CNTLN: variants seen among roughly 807,000 people sequenced by gnomAD.
CNTLN encodes the protein centlein, centrosomal protein.
Under a neutral mutation model 180.0 loss-of-function variants are expected in CNTLN, and 212 were observed. The observed-to-expected ratio is 1.18, with a 90% CI of 1.05 to 1.32. The LOEUF (loss-of-function observed/expected upper bound fraction) is 1.32, where lower values mean the gene tolerates loss of function less well. Among genes scored for constraint, CNTLN ranks in the 40% most tolerant of loss-of-function variants. CNTLN has a pLI of 0.00. For synonymous variants in CNTLN, 722 were observed against 563.1 expected (o/e 1.28, Z -3.99); for missense variants, 2,095 against 1,610.9 (o/e 1.30, Z -5.14).
chr9:17,319,630 T>G (rs1819769995), intron 8 of CNTLN, among the ~76,000 whole-genome samples: 1 of 152,184 alleles, frequency 6.6e-6, no homozygotes, highest in Admixed American at 6.5e-5. Context: ...GTTACTTCTC[T>G]GTCAACTCAG....
intron 1 of CNTLN, among the ~76,000 whole-genome samples, chr9:17,142,256 T>C (rs1321547332): frequency 6.6e-6 from 1 of 151,236 alleles, no homozygotes; most frequent in South Asian, 2.1e-4. Context: ...TATTTTGCAA[T>C]TTTTTTTAGC....
intron 12 of CNTLN, among the ~76,000 whole-genome samples, chr9:17,352,693 C>T (rs1294184993): frequency 6.6e-6 from 1 of 152,056 alleles, no homozygotes; most frequent in African/African-American, 2.4e-5. Flanking sequence ...GCCCATTAAC[C>T]AGTCAGTCTC....
the CNTLN span, among the ~76,000 whole-genome samples, chr9:17,518,954 G>A: frequency 6.6e-6 from 1 of 152,050 alleles, no homozygotes; most frequent in Non-Finnish European, 1.5e-5. Flanking sequence ...TTGAGACAGG[G>A]TCTCTGTCAC....
intron 2 of CNTLN, among the ~76,000 whole-genome samples, chr9:17,220,602 G>A (rs1172800760): frequency 1.3e-5 from 2 of 152,022 alleles, no homozygotes; most frequent in Admixed American, 1.3e-4. Context: ...TGCACTCTCT[G>A]ATAGGACCCA....
chr9:17,294,885 G>T (rs1817736997), intron 6 of CNTLN, among the ~76,000 whole-genome samples: 1 of 86,126 alleles, frequency 1.2e-5, no homozygotes, highest in African/African-American at 4.3e-5. Context: ...GTGGGGGGAG[G>T]GGGGAGTGGG....
intron 13 of CNTLN, among the ~76,000 whole-genome samples, chr9:17,375,021 A>C (rs1260730745): frequency 6.6e-6 from 1 of 152,234 alleles, no homozygotes; most frequent in African/African-American, 2.4e-5. Flanking sequence ...AGCAACCCAA[A>C]TGTTCATCAA....
At chr9:17,281,918 C>A (rs1448969980) in intron 6 of CNTLN, among the ~76,000 whole-genome samples, 1 of 152,100 alleles carries the variant, frequency 6.6e-6, no homozygotes, top group Non-Finnish European at 1.5e-5. Context: ...AGTGTCAAAG[C>A]GTTCCTGTTT....
intron 5 of CNTLN, among the ~76,000 whole-genome samples, chr9:17,240,173 C>T (rs1825399047): frequency 6.6e-6 from 1 of 152,050 alleles, no homozygotes; most frequent in African/African-American, 2.4e-5. Flanking sequence ...ATTTGCACTT[C>T]TTTGGGTAAA....
At chr9:17,289,107 T>C (rs1587507816) in intron 6 of CNTLN, among the ~76,000 whole-genome samples, 1 of 123,444 alleles carries the variant, frequency 8.1e-6, no homozygotes, top group Non-Finnish European at 1.6e-5. Context: ...CTAGTCTCCA[T>C]GGTCTTTACA....
chr9:17,189,744 C>G (rs892550742), intron 2 of CNTLN, among the ~76,000 whole-genome samples: 1 of 152,020 alleles, frequency 6.6e-6, no homozygotes, highest in African/African-American at 2.4e-5. Context: ...GCTTCAGCCT[C>G]CCAAAGTGTT....
At chr9:17,283,719 T>A (rs1455343888) in intron 6 of CNTLN, among the ~76,000 whole-genome samples, 2 of 152,186 alleles carry the variant, frequency 1.3e-5, no homozygotes, top group Non-Finnish European at 2.9e-5. Flanking sequence ...TTCAGTATGA[T>A]ATTGGCTGTG....
At chr9:17,156,965 T>C (rs1001919249) in intron 2 of CNTLN, among the ~76,000 whole-genome samples, 10 of 152,236 alleles carry the variant, frequency 6.6e-5, no homozygotes, top group African/African-American at 2.2e-4. Context: ...TTTGTAATTA[T>C]GTAGAATTGA....
chr9:17,372,037 G>C (rs1035591078), intron 13 of CNTLN, among the ~76,000 whole-genome samples: 2 of 151,828 alleles, frequency 1.3e-5, no homozygotes, highest in African/African-American at 2.4e-5. Flanking sequence ...ATAACTTAAC[G>C]ATGCATCTTG....
intron 18 of CNTLN, among the ~76,000 whole-genome samples, chr9:17,419,588 T>G (rs1828544660): frequency 1.3e-5 from 2 of 152,158 alleles, no homozygotes; most frequent in African/African-American, 4.8e-5. Flanking sequence ...TTTCTCACAC[T>G]AGGCATTCAA....
intron 7 of CNTLN, chr9:17,298,951 A>G (rs1459573743): frequency 2.0e-6 from 2 of 984,918 alleles, no homozygotes; most frequent in Non-Finnish European, 2.4e-6. Flanking sequence ...ATTAAAAAAA[A>G]TACCTTTATT....
At chr9:17,150,072 T>G (rs1025743232) in intron 2 of CNTLN, among the ~76,000 whole-genome samples, 3 of 152,222 alleles carry the variant, frequency 2.0e-5, no homozygotes, top group African/African-American at 7.2e-5. Flanking sequence ...ATGGATAGAT[T>G]GCAAAAATTT....
rs375146657 is a variant in CNTLN, at chr9:17,301,263, C to T, written c.1146+2911C>T. 7.1e-6 allele frequency: 7 copies of T among 985,356 alleles called. No individual in the cohort carries two copies. The African/African-American group carries it at 1.0e-4, about 15-fold the overall frequency. The allele number at this position is 985,356 out of a possible 1,614,324, so 61.0% of individuals were successfully genotyped here. A position where few individuals can be genotyped will look rare whatever the true frequency, so the allele number is the denominator to read the frequency against. Reference sequence around the variant, plus strand: ...CCCCTATTTGGCGAACTTGCCGTAACCTAAATTGTGATCTGGGGTACATTT... The same window carrying T: ...CCCCTATTTGGCGAACTTGCCGTAATCTAAATTGTGATCTGGGGTACATTT... On this transcript the variant is annotated intron_variant, in intron 7 of 25. Coordinates refer to ENST00000380647, the MANE Select transcript of CNTLN (RefSeq NM_017738.4).
In CNTLN at chr9:17,464,466, C is replaced by T. The variant is rs577293934; in HGVS notation, c.3405-31C>T. On this transcript the variant is annotated intron_variant, in intron 20 of 25. Transcript: ENST00000380647. ...TCACCACTGTTAAGGTATTTTCTGT[C>T]ACTCTTGATGTCACCTTTTTTTTTT... is the stretch of plus-strand genomic sequence containing the variant. 70 of 1,514,020 alleles carry T rather than the reference C, an allele frequency of 4.6e-5. 1 individual carries two copies. In the South Asian group the frequency reaches 8.0e-4, roughly 17 times the overall value. The allele number at this position is 1,514,020 out of a possible 1,614,324, so 93.8% of individuals were successfully genotyped here.
chr9:17,421,800 T>C (rs1828744999), intron 18 of CNTLN, among the ~76,000 whole-genome samples: 1 of 152,162 alleles, frequency 6.6e-6, no homozygotes, highest in South Asian at 2.1e-4. Flanking sequence ...TATTTTAAAC[T>C]GATAACAACT....
Sources: gnomAD v4.1 joint callset for allele counts (sites outside exome capture counted in the v4.1 genomes callset) on GRCh38, gnomAD v4.1.1 for gene constraint, MANE v1.5 for transcripts, NCBI Gene and HGNC (gene_info 2026-07-23, HGNC 2026-07-21) for gene names.